The following ZNRF2 variants were observed in gnomAD, a reference collection of about 807,000 sequenced individuals.
The protein encoded by ZNRF2 is E3 ubiquitin-protein ligase ZNRF2.
Under a neutral mutation model 20.4 loss-of-function variants are expected in ZNRF2, and 16 were observed. The observed-to-expected ratio is 0.79, with a 90% CI of 0.53 to 1.19. The LOEUF is 1.19. Ranked by LOEUF, ZNRF2 falls within the 50% of genes most tolerant of loss-of-function variation. The pLI is 0.00. For missense variants in ZNRF2, 363 were observed against 332.4 expected (o/e 1.09, Z -0.72); for synonymous variants, 178 against 144.9 (o/e 1.23, Z -1.64).
intron 3 of ZNRF2, among the ~76,000 whole-genome samples, chr7:30,360,266 G>A (rs1271302414): frequency 6.6e-6 from 1 of 152,212 alleles, no homozygotes; most frequent in Non-Finnish European, 1.5e-5. Flanking sequence ...TGTGATTAGT[G>A]AGGAAATTAA....
chr7:30,332,243 C>T (rs920004728), intron 2 of ZNRF2, among the ~76,000 whole-genome samples: 2 of 152,128 alleles, frequency 1.3e-5, no homozygotes, highest in East Asian at 1.9e-4. Flanking sequence ...TGAGAAATCA[C>T]GCATAGTTCT....
chr7:30,305,611 T>C (rs73685993), intron 1 of ZNRF2, among the ~76,000 whole-genome samples: 1,747 of 152,242 alleles, frequency 0.011, 33 homozygotes, highest in African/African-American at 0.039. Context: ...TAGCAAGGAG[T>C]ACACTTTTTC....
intron 1 of ZNRF2, among the ~76,000 whole-genome samples, chr7:30,302,700 A>G (rs574194468): frequency 1.4e-4 from 21 of 152,154 alleles, no homozygotes; most frequent in Non-Finnish European, 2.6e-4. Context: ...ATGGTAACAC[A>G]TGTATTTTTT....
intron 3 of ZNRF2, among the ~76,000 whole-genome samples, chr7:30,361,996 G>T (rs760931267): frequency 6.6e-6 from 1 of 152,008 alleles, no homozygotes; most frequent in East Asian, 1.9e-4. Flanking sequence ...TTTAAAAGCC[G>T]TTTTTTAATA....
chr7:30,312,882 GTT>G (rs1470046198), intron 1 of ZNRF2, among the ~76,000 whole-genome samples: 1 of 152,174 alleles, frequency 6.6e-6, no homozygotes, highest in Non-Finnish European at 1.5e-5. Flanking sequence ...AGAGGTAAGA[GTT>G]TCAGTAAAAT....
chr7:30,292,821 G>T (rs1273385531), intron 1 of ZNRF2, among the ~76,000 whole-genome samples: 1 of 152,182 alleles, frequency 6.6e-6, no homozygotes, highest in Admixed American at 6.5e-5. Context: ...AGAGCATAGT[G>T]GGGTGGCATG....
chr7:30,287,373 A>G (rs1798810818), intron 1 of ZNRF2, among the ~76,000 whole-genome samples: 2 of 152,216 alleles, frequency 1.3e-5, no homozygotes, highest in African/African-American at 4.8e-5. Flanking sequence ...TAGAAGATGA[A>G]TATTTAAGTT....
chr7:30,321,552 TTGTACGTAC>T (rs1799469436), intron 1 of ZNRF2, among the ~76,000 whole-genome samples: 1 of 152,172 alleles, frequency 6.6e-6, no homozygotes, highest in African/African-American at 2.4e-5. Context: ...AGGTGGTTCT[TTGTACGTAC>T]TGTTTTTCCC....
chr7:30,335,901 A>G (rs1799710304), intron 2 of ZNRF2, among the ~76,000 whole-genome samples: 1 of 152,104 alleles, frequency 6.6e-6, no homozygotes, highest in African/African-American at 2.4e-5. Context: ...AAGGGGGGAA[A>G]GAGGCAAATG....
chr7:30,365,172 T>G (rs42591), intron 4 of ZNRF2, among the ~76,000 whole-genome samples: 5,339 of 113,054 alleles, frequency 0.047, 173 homozygotes, highest in African/African-American at 0.12. Flanking sequence ...TTTTTTTTTT[T>G]GGTGAGGTGG....
rs1368991165 is a variant in ZNRF2 at position 30,366,483 on chromosome 7, A to C, written c.*471A>C. 6.6e-6 allele frequency: 1 copy of C among 152,526 alleles called. No homozygotes were observed. The highest frequency in any genetic ancestry group is 1.5e-5 in the Non-Finnish European group (1 of 67,996). The allele number at this position is 152,526 out of a possible 1,614,324, so 9.4% of individuals were successfully genotyped here. A position where few individuals can be genotyped will look rare whatever the true frequency, so the allele number is the denominator to read the frequency against. On this transcript the variant is annotated 3_prime_UTR_variant, in exon 5 of 5. Coordinates refer to ENST00000323037, the MANE Select transcript of ZNRF2 (RefSeq NM_147128.4). ...TGTTTCTGCATTCATCTGTTCTTAA[A>C]TTGAAAAACATATAATTTACTTCTT...
chr7:30,334,567 T>G (rs1799688436), intron 2 of ZNRF2, among the ~76,000 whole-genome samples: 1 of 151,432 alleles, frequency 6.6e-6, no homozygotes, highest in African/African-American at 2.4e-5. Flanking sequence ...TGTAGATTGC[T>G]TTGGGAGAGG....
chr7:30,293,593 C>G (rs920087071), intron 1 of ZNRF2, among the ~76,000 whole-genome samples: 3 of 152,162 alleles, frequency 2.0e-5, no homozygotes, highest in Non-Finnish European at 2.9e-5. Context: ...CAAAGATACA[C>G]TTTTGTTCAA....
At chr7:30,302,520 T>G (rs1799134499) in intron 1 of ZNRF2, among the ~76,000 whole-genome samples, 1 of 151,828 alleles carries the variant, frequency 6.6e-6, no homozygotes, top group Non-Finnish European at 1.5e-5. Flanking sequence ...CAAATGATTA[T>G]GATATAAATT....
chr7:30,332,320 T>C (rs1439897245), intron 2 of ZNRF2, among the ~76,000 whole-genome samples: 1 of 152,160 alleles, frequency 6.6e-6, no homozygotes, highest in Non-Finnish European at 1.5e-5. Context: ...CTAAGAAATA[T>C]TACTCTTGAC....
chr7:30,305,260 G>C (rs969426451), intron 1 of ZNRF2, among the ~76,000 whole-genome samples: 6 of 152,152 alleles, frequency 3.9e-5, no homozygotes, highest in Non-Finnish European at 8.8e-5. Context: ...TGGGTATAAA[G>C]TTTTGCTGTT....
chr7:30,355,924 C>T, intron 3 of ZNRF2, 91 bp downstream of exon 3: 1 of 839,412 alleles, frequency 1.2e-6, no homozygotes, highest in South Asian at 1.6e-5. Context: ...TCGTTGAAAC[C>T]ACCCCCTCCC....
intron 2 of ZNRF2, among the ~76,000 whole-genome samples, chr7:30,350,167 TTGTATA>T (rs1799941050): frequency 6.6e-6 from 1 of 151,996 alleles, no homozygotes. Flanking sequence ...AGTGCTCCTT[TTGTATA>T]TTGTAGCTTT....
intron 2 of ZNRF2, among the ~76,000 whole-genome samples, chr7:30,339,900 G>A (rs1360436826): frequency 1.3e-5 from 2 of 152,154 alleles, no homozygotes; most frequent in Non-Finnish European, 2.9e-5. Context: ...CATTGAGCAT[G>A]GAATGTTTTT....
Sources: allele counts gnomAD v4.1 joint callset (sites outside exome capture counted in the v4.1 genomes callset), GRCh38; gene constraint gnomAD v4.1.1; transcripts MANE v1.5; gene names NCBI Gene and HGNC (gene_info 2026-07-23, HGNC 2026-07-21).